SAMHD1: variants seen among roughly 807,000 people sequenced by gnomAD.
SAMHD1 encodes the protein SAM and HD domain containing deoxynucleoside triphosphate triphosphohydrolase 1, also known as deoxynucleoside triphosphate triphosphohydrolase SAMHD1.
SAMHD1 carries 54 observed loss-of-function variants against 79.6 expected under a neutral mutation model. The observed-to-expected ratio is 0.68, with a 90% CI of 0.55 to 0.85. The LOEUF (loss-of-function observed/expected upper bound fraction) is 0.85, where lower values mean the gene tolerates loss of function less well. Ranked by LOEUF, SAMHD1 falls within the 40% of genes least tolerant of loss-of-function variation. The pLI is 0.00. For synonymous variants in SAMHD1, 260 were observed against 264.1 expected (o/e 0.98, Z 0.15); for missense variants, 663 against 782.7 (o/e 0.85, Z 1.82).
rs77725318 is a variant in SAMHD1, at chr20:36,939,948, T to TA, written c.348+1090dup. On this transcript the variant is annotated intron_variant, in intron 3 of 15. Transcript: ENST00000646673. ...GGCTGGGCGCAGTGGCTCATGCCTG[T>TA]AGTCCCAGCACTTTGGCAGGACGAG... is the stretch of plus-strand genomic sequence containing the variant. Among the ~76,000 whole-genome samples, 79 of 152,310 alleles carry TA rather than the reference T, an allele frequency of 5.2e-4. 2 individuals are homozygous for TA. In the East Asian group the frequency reaches 0.014, roughly 26 times the overall value.
intron 6 of SAMHD1, 48 bp downstream of exon 6, chr20:36,927,134 C>T: frequency 6.7e-7 from 1 of 1,490,126 alleles, no homozygotes; most frequent in Non-Finnish European, 9.4e-7. Context: ...AAATAACCTG[C>T]TTAAATAGTC....
chr20:36,904,773 A>G (rs1485070939), intron 12 of SAMHD1: 1 of 179,842 alleles, frequency 5.6e-6, no homozygotes, highest in Non-Finnish European at 1.2e-5. Context: ...AGTGACATTA[A>G]CCTATTAGTA....
Position 36,917,301 on chromosome 20 carries a change from T to C in SAMHD1, c.853-252A>G. 3 of 451,324 alleles carry C rather than the reference T, an allele frequency of 6.6e-6. No homozygotes were observed. In the South Asian group the frequency reaches 8.1e-5, roughly 12 times the overall value. The allele number at this position is 451,324 out of a possible 1,614,324, so 28.0% of individuals were successfully genotyped here. ...TGTGCCACTGAAAAGATCTGAACTC[T>C]ATTACATTTCCCAAAACCAACAACT... On this transcript the variant is annotated intron_variant, in intron 7 of 15. Transcript: ENST00000646673.
chr20:36,913,882 T>G (rs2063459866), intron 9 of SAMHD1, among the ~76,000 whole-genome samples: 1 of 151,390 alleles, frequency 6.6e-6, no homozygotes, highest in African/African-American at 2.4e-5. Flanking sequence ...TCCTCCTGAG[T>G]AGCTGGGATT....
At chr20:36,947,195 A>G (rs2063692147) in intron 1 of SAMHD1, 1 of 242,188 alleles carries the variant, frequency 4.1e-6, no homozygotes, top group South Asian at 4.8e-5. Context: ...AGGGAAGGAA[A>G]CCTAAGTCTA....
chr20:36,919,247 G>T, intron 7 of SAMHD1, 117 bp downstream of exon 7: 1 of 933,562 alleles, frequency 1.1e-6, no homozygotes, highest in Non-Finnish European at 1.7e-6. Flanking sequence ...TAGAAACATA[G>T]AACTCATATT....
intron 13 of SAMHD1, 191 bp downstream of exon 13, chr20:36,903,966 T>C: frequency 3.5e-6 from 2 of 564,198 alleles, no homozygotes; most frequent in Non-Finnish European, 6.3e-6. Flanking sequence ...ACCACAATTA[T>C]ATTAAAAATA....
At chr20:36,894,465 T>TCGTGATCCGCCCA (rs1990160131) in intron 15 of SAMHD1, among the ~76,000 whole-genome samples, 3 of 151,978 alleles carry the variant, frequency 2.0e-5, no homozygotes, top group Non-Finnish European at 2.9e-5. Flanking sequence ...ACTCCTGACC[T>TCGTGATCCGCCCA]CAGTAAAGGC....
intron 11 of SAMHD1, among the ~76,000 whole-genome samples, chr20:36,908,201 T>C (rs2063416001): frequency 6.6e-6 from 1 of 151,980 alleles, no homozygotes; most frequent in African/African-American, 2.4e-5. Context: ...TAAAGAACAA[T>C]GTATATAGTT....
intron 6 of SAMHD1, 86 bp from the exon 7 acceptor site, chr20:36,919,605 A>T (rs939324139): frequency 4.1e-6 from 5 of 1,213,298 alleles, no homozygotes; most frequent in Non-Finnish European, 4.8e-6. Context: ...AATTCCAAGT[A>T]ATTCTGAGAT....
At chr20:36,951,246 C>A (rs1033377440) in intron 1 of SAMHD1, among the ~76,000 whole-genome samples, 190 bp downstream of exon 1, 7 of 152,356 alleles carry the variant, frequency 4.6e-5, no homozygotes, top group African/African-American at 1.7e-4. Context: ...ACCCCCGCCG[C>A]AGGGCTCCCT....
Position 36,905,619 on chromosome 20 carries a change from A to G in SAMHD1, c.1271-116T>C, listed in dbSNP as rs1017264995. ...GGCAGTTCGCAAATGTAGGTACATTATTATTTTAGCAATGTGAGAAAAATT... is the reference window on the plus strand; with the variant it reads ...GGCAGTTCGCAAATGTAGGTACATTGTTATTTTAGCAATGTGAGAAAAATT... On this transcript the variant is annotated intron_variant, in intron 11 of 15. Coordinates refer to ENST00000646673, the MANE Select transcript of SAMHD1 (RefSeq NM_015474.4). 1.3e-5 allele frequency: 12 copies of G among 909,922 alleles called. No homozygotes were observed. The Admixed American group carries it at 2.4e-4, about 18-fold the overall frequency. The allele number at this position is 909,922 out of a possible 1,614,324, so 56.4% of individuals were successfully genotyped here.
rs11466931 is a variant in SAMHD1, at chr20:36,904,042, A to AGATGACTGCTT, written c.1503+114_1503+115insAAGCAGTCATC. 8.2e-6 allele frequency: 6 copies of AGATGACTGCTT among 735,472 alleles called. No individual in the cohort carries two copies. The African/African-American group carries it at 8.7e-5, about 11-fold the overall frequency. The allele number at this position is 735,472 out of a possible 1,614,324, so 45.6% of individuals were successfully genotyped here. A position where few individuals can be genotyped will look rare whatever the true frequency, so the allele number is the denominator to read the frequency against. On this transcript the variant is annotated intron_variant, in intron 13 of 15. Transcript: ENST00000646673. Reference sequence around the variant, plus strand: ...ATATTGGTTCTCTTTGTGAGGGCACATCATCTTTCTGTATTTTTCTAATTT... The same window carrying AGATGACTGCTT: ...ATATTGGTTCTCTTTGTGAGGGCACAGATGACTGCTTTCATCTTTCTGTATTTTTCTAATTT...
chr20:36,947,910 G>C (rs1196890037), intron 1 of SAMHD1, among the ~76,000 whole-genome samples: 1 of 151,892 alleles, frequency 6.6e-6, no homozygotes, highest in Non-Finnish European at 1.5e-5. Flanking sequence ...GGGCTCAAGT[G>C]ATCTTCCCAC....
intron 9 of SAMHD1, among the ~76,000 whole-genome samples, chr20:36,915,313 G>A (rs930715125): frequency 2.0e-5 from 3 of 152,140 alleles, no homozygotes; most frequent in African/African-American, 4.8e-5. Context: ...ACTCCAGCCT[G>A]AGTAACACAG....
chr20:36,906,263 C>T (rs554125954), intron 11 of SAMHD1, among the ~76,000 whole-genome samples: 11 of 152,286 alleles, frequency 7.2e-5, no homozygotes, highest in African/African-American at 2.6e-4. Context: ...CATGGCAAAA[C>T]CCTGCCTCTA....
intron 2 of SAMHD1, among the ~76,000 whole-genome samples, chr20:36,941,749 A>C (rs1046424172): frequency 3.9e-5 from 6 of 152,110 alleles, no homozygotes; most frequent in African/African-American, 1.4e-4. Flanking sequence ...ACCAGATTGA[A>C]AAAAAAGTAT....
In SAMHD1 at chr20:36,905,305, GTCT is replaced by G; in HGVS notation, c.1410+56_1410+58del. On this transcript the variant is annotated intron_variant, in intron 12 of 15. Coordinates refer to ENST00000646673, the MANE Select transcript of SAMHD1 (RefSeq NM_015474.4). ...GTCATAGTATCACGATAGGTTAGTG[GTCT>G]CCTCTTGGAGGACAGAGATAACCTT... 1.9e-6 allele frequency: 3 copies of G among 1,551,052 alleles called. No individual in the cohort carries two copies. In the South Asian group the frequency reaches 3.3e-5, roughly 17 times the overall value.
chr20:36,928,282 G>A (rs1309478132), intron 5 of SAMHD1, among the ~76,000 whole-genome samples: 6 of 152,136 alleles, frequency 3.9e-5, no homozygotes, highest in African/African-American at 9.6e-5. Context: ...CCAGCTACTC[G>A]GGAGGCTGAG....
Sources: gnomAD v4.1 joint callset for allele counts (sites outside exome capture counted in the v4.1 genomes callset) on GRCh38, gnomAD v4.1.1 for gene constraint, MANE v1.5 for transcripts, NCBI Gene and HGNC (gene_info 2026-07-23, HGNC 2026-07-21) for gene names.